Variants in MED14 observed in about 807,000 individuals in gnomAD.
MED14 encodes the protein mediator complex subunit 14, also known as mediator of RNA polymerase II transcription subunit 14.
Under a neutral mutation model 109.0 loss-of-function variants are expected in MED14, and 8 were observed. The ratio of observed to expected loss-of-function variants is 0.07; its 90% CI spans 0.04 to 0.13. MED14 has a LOEUF of 0.13. MED14 is among the 10% of genes least tolerant of loss of function. MED14 has a pLI of 1.00. For missense variants in MED14, 711 were observed against 1,142.4 expected, an observed-to-expected ratio of 0.62 and a Z score of 5.44; for synonymous variants, 399 against 408.7, an observed-to-expected ratio of 0.98 and a Z score of 0.29.
Position 40,710,029 on chromosome X carries a change from C to T in MED14, c.1123G>A (p.Asp375Asn), listed in dbSNP as rs1379065821. The change falls in exon 9 of 31, where the codon GAT (aspartate) becomes AAT (asparagine). Residue 375 changes from aspartate to asparagine, a missense_variant. Asp to Asn is a conservative substitution (Grantham distance 23). Transcript: ENST00000324817. ...GAATCAGAAGCTGGCAAAGGAGGAT[C>T]GTGAAAAATCTGTAAAGGCTTGGAG... ...DVSKPLQIFHDPPLPASDSKL... is the reference protein window; with the variant it reads ...DVSKPLQIFHNPPLPASDSKL... 4.2e-6 allele frequency: 5 copies of T among 1,180,326 alleles called. No homozygotes were observed. The highest frequency in any genetic ancestry group is 3.6e-5 in the African/African-American group (2 of 56,169).
intron 23 of MED14, among the ~76,000 whole-genome samples, chrX:40,669,424 T>C (rs1472101412): frequency 9.0e-6 from 1 of 111,421 alleles, no homozygotes; most frequent in Admixed American, 9.5e-5. Context: ...TCAATGACCC[T>C]AGACATGACA....
intron 19 of MED14, 88 bp from the exon 20 acceptor site, chrX:40,680,998 C>T (rs930731064): frequency 4.3e-5 from 28 of 653,001 alleles, no homozygotes; most frequent in African/African-American, 3.4e-4. Flanking sequence ...TAAGGCAAAA[C>T]GCCAAAAATC....
Position 40,648,566 on chromosome X carries a change from C to G in MED14, c.*3240G>C, listed in dbSNP as rs367966602. On this transcript the variant is annotated 3_prime_UTR_variant, in exon 31 of 31. Transcript: ENST00000324817. Reference sequence around the variant, plus strand: ...TTACTCATTTTTAAGAAGAGGATATCAATAACCTACCACATTGGGTTGTTG... The same window carrying G: ...TTACTCATTTTTAAGAAGAGGATATGAATAACCTACCACATTGGGTTGTTG... 5.3e-5 allele frequency: 6 copies of G among 112,250 alleles called. 1 individual carries two copies. The East Asian group carries it at 8.3e-4, about 16-fold the overall frequency. 9.3% of individuals were successfully genotyped at this position (112,250 alleles called of 1,213,427 possible). A position where few individuals can be genotyped will look rare whatever the true frequency, so the allele number is the denominator to read the frequency against.
chrX:40,667,479 G>C (rs1929539396), intron 23 of MED14, among the ~76,000 whole-genome samples: 1 of 112,044 alleles, frequency 8.9e-6, no homozygotes, highest in Non-Finnish European at 1.9e-5. Context: ...AGTTATCAGG[G>C]AGGAAGCCGG....
At position 40,651,725 on chromosome X, in the gene MED14, T is replaced by G. The variant is rs940969784; in HGVS notation, c.*81A>C. 14 of 1,096,319 alleles carry G rather than the reference T, an allele frequency of 1.3e-5. No individual in the cohort carries two copies. Among genetic ancestry groups the G allele is most frequent in the Non-Finnish European group, 7.1e-6 (6 of 842,980 alleles). The allele number at this position is 1,096,319 out of a possible 1,213,427, so 90.3% of individuals were successfully genotyped here. A position where few individuals can be genotyped will look rare whatever the true frequency, so the allele number is the denominator to read the frequency against. On this transcript the variant is annotated 3_prime_UTR_variant, in exon 31 of 31. Transcript: ENST00000324817. ...TTAAAGTTTAAAAAAAAAGTCCTTT[T>G]CCTTTTTTAAACTGAAGGCTGAATT...
intron 23 of MED14, among the ~76,000 whole-genome samples, chrX:40,670,779 A>T (rs755092205): frequency 1.3e-4 from 14 of 109,560 alleles, no homozygotes; most frequent in East Asian, 1.1e-3. Flanking sequence ...AAAAAAAAAA[A>T]AAATAAAAAA....
intron 4 of MED14, 62 bp from the exon 5 acceptor site, chrX:40,713,969 T>C: frequency 9.1e-7 from 1 of 1,100,584 alleles, no homozygotes; most frequent in Non-Finnish European, 1.2e-6. Flanking sequence ...TTTTCAATCT[T>C]TTCCTGTCTT....
At chrX:40,714,028 G>A in intron 4 of MED14, 121 bp from the exon 5 acceptor site, 1 of 726,820 alleles carries the variant, frequency 1.4e-6, no homozygotes, top group Non-Finnish European at 2.0e-6. Flanking sequence ...ACTCATTTCT[G>A]CAGTCTACTT....
intron 16 of MED14, among the ~76,000 whole-genome samples, chrX:40,687,651 A>T (rs1219313018): frequency 9.0e-6 from 1 of 111,080 alleles, no homozygotes; most frequent in Non-Finnish European, 1.9e-5. Context: ...CTTCCCTCCA[A>T]GCCTTCACAT....
intron 21 of MED14, among the ~76,000 whole-genome samples, chrX:40,678,632 G>A: frequency 9.1e-6 from 1 of 109,867 alleles, no homozygotes; most frequent in Non-Finnish European, 1.9e-5. Flanking sequence ...TTAAAGCCTG[G>A]GCAACAAGAA....
chrX:40,677,720 C>T (rs1335657319), intron 21 of MED14, among the ~76,000 whole-genome samples: 2 of 111,458 alleles, frequency 1.8e-5, no homozygotes, highest in Non-Finnish European at 3.8e-5. Flanking sequence ...TCCACAATGC[C>T]TAGCATCAGA....
chrX:40,733,368 G>T (rs2146755404), intron 1 of MED14, among the ~76,000 whole-genome samples: 1 of 111,649 alleles, frequency 9.0e-6, no homozygotes, highest in South Asian at 3.7e-4. Context: ...CTCCCAAAGT[G>T]CTGGGATTAC....
chrX:40,689,708 T>C (rs780407834), intron 15 of MED14, among the ~76,000 whole-genome samples: 6 of 110,990 alleles, frequency 5.4e-5, no homozygotes, highest in Non-Finnish European at 1.1e-4. Flanking sequence ...AAAAAAGATA[T>C]ATAAACATCC....
rs1266624383 is a variant in MED14 at position 40,679,719 on chromosome X, G to C, written c.2880+145C>G. The C allele has an allele frequency of 5.9e-6, 3 of 508,821 alleles. No homozygotes were observed. The Admixed American group carries it at 1.2e-4, about 20-fold the overall frequency. The allele number at this position is 508,821 out of a possible 1,213,427, so 41.9% of individuals were successfully genotyped here. ...TCAGAACTTCTAGCTCCTTCAGAAT[G>C]ACGTTATACAGATGATGAGTTAACA... On this transcript the variant is annotated intron_variant, in intron 21 of 30. Transcript: ENST00000324817.
Position 40,654,971 on chromosome X carries a change from C to T in MED14, c.4062G>A (p.Thr1354=), listed in dbSNP as rs752886204. 1.7e-6 allele frequency: 2 copies of T among 1,208,950 alleles called. No individual in the cohort carries two copies. Among genetic ancestry groups the T allele is most frequent in the African/African-American group, 1.8e-5 (1 of 57,123 alleles). ...TTTTGGATTTCAGCACCACAGCAGG[C>T]GTCCCAGGAGGTGCAATCGGCGGCG... ...PSAPPIAPPG[T]PAVVLKSKML... is the part of the protein sequence containing the mutation. Residue 1354 remains threonine, a synonymous_variant, in exon 29 of 31, where the codon ACG becomes ACA. Coordinates refer to ENST00000324817, the MANE Select transcript of MED14 (RefSeq NM_004229.4).
At position 40,650,174 on chromosome X, in the gene MED14, A is replaced by C. The variant is rs766260383; in HGVS notation, c.*1632T>G. ...CACTGTAAGAACTAAAAACAGAAGG[A>C]TAAAAAGATTAAGTTAAAGGAAGGA... On this transcript the variant is annotated 3_prime_UTR_variant, in exon 31 of 31. Coordinates refer to ENST00000324817, the MANE Select transcript of MED14 (RefSeq NM_004229.4). The C allele has an allele frequency of 1.3e-6, 1 of 752,532 alleles. No individual in the cohort carries two copies. Among genetic ancestry groups the C allele is most frequent in the African/African-American group, 2.3e-5 (1 of 43,490 alleles). The allele number at this position is 752,532 out of a possible 1,213,427, so 62.0% of individuals were successfully genotyped here. A position where few individuals can be genotyped will look rare whatever the true frequency, so the allele number is the denominator to read the frequency against.
At chrX:40,660,226 G>A (rs914008443) in intron 26 of MED14, among the ~76,000 whole-genome samples, 1 of 111,814 alleles carries the variant, frequency 8.9e-6, no homozygotes, top group Non-Finnish European at 1.9e-5. Context: ...AATCTGGGGG[G>A]AGGAGTTCTA....
chrX:40,674,608 G>A (rs1929850831), intron 22 of MED14, among the ~76,000 whole-genome samples: 1 of 111,952 alleles, frequency 8.9e-6, no homozygotes, highest in African/African-American at 3.2e-5. Context: ...AGAGTCTACA[G>A]CCCCATTGAG....
chrX:40,729,569 T>A, intron 1 of MED14: 1 of 391,339 alleles, frequency 2.6e-6, no homozygotes, highest in Non-Finnish European at 4.4e-6. Flanking sequence ...CCATTCAAAA[T>A]ACTTCAAAAT....
Sources: allele counts gnomAD v4.1 joint callset (sites outside exome capture counted in the v4.1 genomes callset), GRCh38; gene constraint gnomAD v4.1.1; transcripts MANE v1.5; gene names NCBI Gene and HGNC (gene_info 2026-07-23, HGNC 2026-07-21).